KIF27: variants seen among roughly 807,000 people sequenced by gnomAD.
The protein encoded by KIF27 is kinesin-like protein KIF27.
A neutral mutation model predicts 141.8 loss-of-function variants in KIF27; 84 were observed. The observed-to-expected ratio is 0.59, with a 90% CI of 0.50 to 0.71. The LOEUF (loss-of-function observed/expected upper bound fraction) is 0.71. KIF27 is among the 30% of genes least tolerant of loss of function. KIF27 has a pLI of 0.00. For synonymous variants in KIF27, 471 were observed against 569.5 expected (o/e 0.83, Z 2.46); for missense variants, 1,306 against 1,628.4 (o/e 0.80, Z 3.41).
chr9:83,915,248 T>G, intron 2 of KIF27, 46 bp downstream of exon 2: 1 of 1,522,918 alleles, frequency 6.6e-7, no homozygotes, highest in East Asian at 2.3e-5. Flanking sequence ...TATTTTTGCT[T>G]CTTTCTAGCG....
intron 16 of KIF27, among the ~76,000 whole-genome samples, chr9:83,845,977 T>C (rs1467868466): frequency 2.0e-5 from 3 of 152,158 alleles, no homozygotes; most frequent in Admixed American, 2.0e-4. Context: ...AGTCTGTGGA[T>C]ACCACTCAGC....
At chr9:83,901,021 C>CA in intron 4 of KIF27, among the ~76,000 whole-genome samples, 1 of 152,124 alleles carries the variant, frequency 6.6e-6, no homozygotes, top group East Asian at 1.9e-4. Context: ...TGCAGTGGTG[C>CA]AATCATAGCT....
chr9:83,897,983 T>C (rs1953447618), intron 5 of KIF27, among the ~76,000 whole-genome samples: 1 of 152,134 alleles, frequency 6.6e-6, no homozygotes, highest in African/African-American at 2.4e-5. Flanking sequence ...AATGCTCACA[T>C]GGAATAGTGA....
chr9:83,839,084 C>T (rs1262766625), intron 17 of KIF27, among the ~76,000 whole-genome samples: 1 of 151,966 alleles, frequency 6.6e-6, no homozygotes, highest in African/African-American at 2.4e-5. Flanking sequence ...TGCTCAAGCA[C>T]AGGAGTTTGA....
chr9:83,880,603 CA>C (rs1951597707), intron 10 of KIF27, 109 bp from the exon 11 acceptor site: 1 of 929,706 alleles, frequency 1.1e-6, no homozygotes, highest in Admixed American at 2.6e-5. Context: ...CCTAGATTTT[CA>C]TTTATTTTTG....
rs147859809 is a variant in KIF27, at chr9:83,903,581, C to G, written c.937G>C (p.Val313Leu). 1.2e-6 allele frequency: 2 copies of G among 1,613,994 alleles called. No homozygotes were observed. The highest frequency in any genetic ancestry group is 2.7e-5 in the African/African-American group (2 of 74,880). ...GAGGGGCTGACACATGTGATCATGA[C>G]AGTCTTAGCACTGCCTCCCAGAGAA... ...KDSLGGSAKTVMITCVSPSSS... is the reference protein window; with the variant it reads ...KDSLGGSAKTLMITCVSPSSS... The change falls in exon 4 of 18, where the codon GTC becomes CTC. Residue 313 changes from valine to leucine, a missense_variant. Coordinates refer to ENST00000297814, the MANE Select transcript of KIF27 (RefSeq NM_017576.4).
chr9:83,878,639 A>G (rs1026344247), intron 11 of KIF27, among the ~76,000 whole-genome samples: 3 of 152,200 alleles, frequency 2.0e-5, no homozygotes, highest in Non-Finnish European at 4.4e-5. Flanking sequence ...GCTAAATGAA[A>G]TAAGGCTGAC....
At chr9:83,918,974 G>A (rs1214458962) in intron 1 of KIF27, among the ~76,000 whole-genome samples, 1 of 152,114 alleles carries the variant, frequency 6.6e-6, no homozygotes, top group African/African-American at 2.4e-5. Context: ...TACTAGGGAA[G>A]CTGAGGCAGG....
chr9:83,848,180 T>TATATGATATATCTGATATATCAG (rs1947783465), intron 16 of KIF27, among the ~76,000 whole-genome samples: 1 of 33,118 alleles, frequency 3.0e-5, no homozygotes, highest in African/African-American at 2.6e-4. Context: ...TGATATATCA[T>TATATGATATATCTGATATATCAG]ATATGATATA....
chr9:83,841,407 T>G (rs1184462005), intron 17 of KIF27, among the ~76,000 whole-genome samples: 2 of 152,210 alleles, frequency 1.3e-5, no homozygotes, highest in Non-Finnish European at 2.9e-5. Context: ...ATATATCACT[T>G]CATTGCTCCT....
At chr9:83,855,200 A>G (rs1030517494) in intron 14 of KIF27, 5 of 152,064 alleles carry the variant, frequency 3.3e-5, no homozygotes, top group African/African-American at 1.2e-4. Context: ...ACGCCTAGCT[A>G]ATTTTTGTAT....
chr9:83,840,386 C>T (rs7040118), intron 17 of KIF27, among the ~76,000 whole-genome samples: 27,215 of 151,666 alleles, frequency 0.18, 2,857 homozygotes, highest in African/African-American at 0.28. Flanking sequence ...CTTGGGTAAA[C>T]TGGTCAGAAC....
At chr9:83,858,590 T>A (rs1462051390) in intron 14 of KIF27, 1 of 152,420 alleles carries the variant, frequency 6.6e-6, no homozygotes, top group Non-Finnish European at 1.5e-5. Flanking sequence ...TACATAGTTT[T>A]AAAAAACTAT....
At chr9:83,896,361 G>A (rs1041260919) in intron 5 of KIF27, among the ~76,000 whole-genome samples, 8 of 152,120 alleles carry the variant, frequency 5.3e-5, no homozygotes, top group African/African-American at 1.9e-4. Flanking sequence ...CAAAAACTGA[G>A]TTTAGTCAGG....
intron 16 of KIF27, among the ~76,000 whole-genome samples, chr9:83,846,131 G>A (rs908261605): frequency 6.6e-6 from 1 of 152,028 alleles, no homozygotes; most frequent in Non-Finnish European, 1.5e-5. Context: ...CAGTTTGCCA[G>A]CAGCAGAGAC....
chr9:83,850,830 CTTTTTTTTTT>C (rs202212264), intron 15 of KIF27, among the ~76,000 whole-genome samples: 5 of 67,520 alleles, frequency 7.4e-5, no homozygotes, highest in African/African-American at 1.3e-4. Flanking sequence ...ATGACATTTT[CTTTTTTTTTT>C]TTTTTTTTTT....
chr9:83,914,250 A>C lies in KIF27; in HGVS notation c.298+1044T>G, dbSNP rs181979227. ...CCCTACAATCCTAAAGAAAAGCCAC[A>C]ATTTATACTAGAAAAACTGAATTCT... On this transcript the variant is annotated intron_variant, in intron 2 of 17. Coordinates refer to ENST00000297814, the MANE Select transcript of KIF27 (RefSeq NM_017576.4). 1.7e-3 allele frequency among the ~76,000 whole-genome samples: 256 copies of C among 151,514 alleles called. 1 individual carries two copies. Among genetic ancestry groups the C allele is most frequent in the African/African-American group, 5.8e-3 (239 of 41,480 alleles).
intron 15 of KIF27, among the ~76,000 whole-genome samples, chr9:83,852,192 TC>T (rs1438796969): frequency 4.0e-5 from 6 of 151,212 alleles, no homozygotes; most frequent in African/African-American, 7.3e-5. Flanking sequence ...ACGCCTGTAA[TC>T]CCAGCACTTT....
intron 1 of KIF27, among the ~76,000 whole-genome samples, chr9:83,918,738 C>G (rs1196960871): frequency 6.6e-6 from 1 of 151,902 alleles, no homozygotes; most frequent in East Asian, 1.9e-4. Flanking sequence ...GTCAGGAGTT[C>G]AAGACCAGCC....
Sources: gnomAD v4.1 joint callset for allele counts (sites outside exome capture counted in the v4.1 genomes callset) on GRCh38, gnomAD v4.1.1 for gene constraint, MANE v1.5 for transcripts, NCBI Gene and HGNC (gene_info 2026-07-23, HGNC 2026-07-21) for gene names.